The following CGGBP1 variants were observed in gnomAD, a reference collection of about 807,000 sequenced individuals.
CGGBP1 encodes the protein CGG triplet repeat-binding protein 1.
Under a neutral mutation model 11.4 loss-of-function variants are expected in CGGBP1, and 4 were observed. The ratio of observed to expected loss-of-function variants is 0.35; its 90% CI spans 0.17 to 0.80. CGGBP1 has a LOEUF of 0.80. Among genes scored for constraint, CGGBP1 ranks in the 30% least tolerant of loss-of-function variants. The probability of loss-of-function intolerance (pLI) is 0.52; values close to 1 mark genes in which losing one functional copy is unlikely to be tolerated. For missense variants in CGGBP1, 135 were observed against 202.1 expected (o/e 0.67, Z 2.01); for synonymous variants, 76 against 74.1 (o/e 1.03, Z -0.13).
At chr3:88,140,927 A>T in intron 2 of CGGBP1, 1 of 1,613,630 alleles carries the variant, frequency 6.2e-7, no homozygotes, top group Non-Finnish European at 8.5e-7. Context: ...TGTATAAAAA[A>T]TCAGTGAAAA....
At chr3:88,060,785 T>C (rs1180429642), upstream of CGGBP1, among the ~76,000 whole-genome samples, 1 of 152,096 alleles carries the variant, frequency 6.6e-6, no homozygotes, top group Non-Finnish European at 1.5e-5. Context: ...TTTTCAATGC[T>C]TGTAAGGAAT....
At chr3:88,139,774 A>G in intron 2 of CGGBP1, 1 of 1,554,526 alleles carries the variant, frequency 6.4e-7, no homozygotes. Flanking sequence ...GATTATGAGG[A>G]GGAAGAGGAT....
intron 2 of CGGBP1, among the ~76,000 whole-genome samples, chr3:88,073,294 G>A (rs1404766356): frequency 6.6e-6 from 1 of 152,114 alleles, no homozygotes; most frequent in Admixed American, 6.6e-5. Context: ...CACTGGACTA[G>A]AACATAAACT....
upstream of CGGBP1, among the ~76,000 whole-genome samples, chr3:88,060,414 A>G (rs1446822012): frequency 6.6e-6 from 1 of 152,086 alleles, no homozygotes; most frequent in East Asian, 1.9e-4. Context: ...ATTCTCATCT[A>G]CCTGCATTTG....
intron 3 of CGGBP1, chr3:88,056,679 A>T (rs1382358089): frequency 1.3e-5 from 2 of 152,144 alleles, no homozygotes. Context: ...TACTTCTCTA[A>T]TACTTGTTTC....
At chr3:88,140,533 T>C in intron 2 of CGGBP1, 1 of 1,613,744 alleles carries the variant, frequency 6.2e-7, no homozygotes, top group Non-Finnish European at 8.5e-7. Flanking sequence ...AATATAAGCT[T>C]GATAGACCAA....
chr3:88,087,212 G>A lies in CGGBP1; in HGVS notation c.-228-28989C>T, dbSNP rs1389573389. ...TCATGCCTCAGCCCCAGAGTACTTG[G>A]GACCACAGGTGTGCACCACCATGCC... On this transcript the variant is annotated intron_variant, in intron 2 of 3. Transcript: ENST00000462901. Among the ~76,000 whole-genome samples the A allele has an allele frequency of 3.9e-5, 6 of 152,002 alleles. No homozygotes were observed. The East Asian group carries it at 9.6e-4, about 24-fold the overall frequency.
At chr3:88,123,124 G>A (rs1249898921) in intron 2 of CGGBP1, among the ~76,000 whole-genome samples, 3 of 151,858 alleles carry the variant, frequency 2.0e-5, no homozygotes, top group Non-Finnish European at 4.4e-5. Flanking sequence ...TATTCACTTC[G>A]AGGTTTTAAA....
At chr3:88,081,246 A>G (rs1708060324) in intron 2 of CGGBP1, among the ~76,000 whole-genome samples, 1 of 152,134 alleles carries the variant, frequency 6.6e-6, no homozygotes, top group Non-Finnish European at 1.5e-5. Flanking sequence ...AATGTATTTT[A>G]TTATATAGTT....
chr3:88,106,765 T>G lies in CGGBP1; in HGVS notation c.-229+34205A>C, dbSNP rs1219768615. On this transcript the variant is annotated intron_variant, in intron 2 of 3. Coordinates refer to the CGGBP1 transcript ENST00000462901. ...TGTTCCCCTATTGCTTCTGAGTTTCTTATCATAGTTAAACATTTCTCAGTA... is the reference window on the plus strand; with the variant it reads ...TGTTCCCCTATTGCTTCTGAGTTTCGTATCATAGTTAAACATTTCTCAGTA... Among the ~76,000 whole-genome samples the G allele has an allele frequency of 2.6e-5, 4 of 152,244 alleles. No individual in the cohort carries two copies. In the East Asian group the frequency reaches 7.7e-4, roughly 29 times the overall value.
intron 2 of CGGBP1, among the ~76,000 whole-genome samples, chr3:88,098,676 C>T (rs933947022): frequency 1.6e-4 from 25 of 152,168 alleles, no homozygotes; most frequent in African/African-American, 5.8e-4. Context: ...GCTGGTTCAA[C>T]ATACGAAAAT....
At chr3:88,107,494 A>G (rs535506880) in intron 2 of CGGBP1, among the ~76,000 whole-genome samples, 33 of 152,084 alleles carry the variant, frequency 2.2e-4, no homozygotes, top group African/African-American at 7.7e-4. Context: ...ATTTATCTCT[A>G]TTGGCATTTT....
chr3:88,140,301 G>C, intron 2 of CGGBP1: 1 of 1,613,710 alleles, frequency 6.2e-7, no homozygotes. Context: ...AGAGTCATCT[G>C]CACAACCAAG....
At chr3:88,141,097 G>T (rs1707100747) in intron 1 of CGGBP1, 2 of 1,524,714 alleles carry the variant, frequency 1.3e-6, no homozygotes, top group Non-Finnish European at 1.8e-6. Context: ...AGAGAAAATG[G>T]CATAAATAAA....
intron 2 of CGGBP1, among the ~76,000 whole-genome samples, chr3:88,069,881 T>C (rs1707410872): frequency 6.6e-6 from 1 of 152,222 alleles, no homozygotes; most frequent in African/African-American, 2.4e-5. Context: ...TTATCCTAAA[T>C]GATTAAAGTT....
intron 2 of CGGBP1, chr3:88,129,908 T>C: frequency 1.6e-6 from 2 of 1,239,662 alleles, no homozygotes; most frequent in African/African-American, 1.5e-5. Context: ...GTTTTTTACA[T>C]TGTATGAAAA....
intron 2 of CGGBP1, among the ~76,000 whole-genome samples, chr3:88,101,790 T>TG (rs938387742): frequency 6.6e-6 from 1 of 152,152 alleles, no homozygotes; most frequent in Admixed American, 6.6e-5. Flanking sequence ...CAATTTCTTA[T>TG]GGGGGTAGCA....
chr3:88,091,503 T>C (rs1025863875), intron 2 of CGGBP1, among the ~76,000 whole-genome samples: 5 of 152,206 alleles, frequency 3.3e-5, no homozygotes, highest in African/African-American at 1.2e-4. Flanking sequence ...TTTAGTGTTA[T>C]GTGAAAATTC....
chr3:88,063,939 A>G (rs1707042995), upstream of CGGBP1, among the ~76,000 whole-genome samples: 1 of 152,130 alleles, frequency 6.6e-6, no homozygotes, highest in African/African-American at 2.4e-5. Context: ...AACCAAAACA[A>G]CTTGTCCTAA....
Sources: allele counts gnomAD v4.1 joint callset (sites outside exome capture counted in the v4.1 genomes callset), GRCh38; gene constraint gnomAD v4.1.1; transcripts MANE v1.5; gene names NCBI Gene and HGNC (gene_info 2026-07-23, HGNC 2026-07-21).